Variants in STXBP5L observed in about 807,000 individuals in gnomAD.
STXBP5L encodes syntaxin binding protein 5L.
In STXBP5L, 65 loss-of-function variants were observed where a neutral mutation model predicts 144.5. The observed-to-expected ratio is 0.45, with a 90% CI of 0.37 to 0.55. The LOEUF is 0.55. Ranked by LOEUF, STXBP5L falls within the 20% of genes least tolerant of loss-of-function variation. The pLI is 0.00. For synonymous variants in STXBP5L, 505 were observed against 469.6 expected (o/e 1.08, Z -0.97); for missense variants, 1,298 against 1,405.5 (o/e 0.92, Z 1.22).
chr3:120,995,441 C>A (rs941569745), intron 3 of STXBP5L, among the ~76,000 whole-genome samples: 1 of 152,170 alleles, frequency 6.6e-6, no homozygotes, highest in Non-Finnish European at 1.5e-5. Context: ...AGCCACCACA[C>A]CTGGCTGTTT....
At position 120,934,882 on chromosome 3, in the gene STXBP5L, T is replaced by C. The variant is rs571096212; in HGVS notation, c.190-20058T>C. Among the ~76,000 whole-genome samples, 6 of 152,162 alleles carry C rather than the reference T, an allele frequency of 3.9e-5. No homozygotes were observed. The East Asian group carries it at 7.7e-4, about 20-fold the overall frequency. On this transcript the variant is annotated intron_variant, in intron 2 of 26. Coordinates refer to ENST00000471454, the MANE Select transcript of STXBP5L (RefSeq NM_001308330.2). ...TCCCTTTAGTTTTAATCAGTCTGTG[T>C]CTTTATATTAAAGTGGGTTTCTTGT...
chr3:121,336,521 A>ACC (rs1457913581), intron 20 of STXBP5L, among the ~76,000 whole-genome samples: 3 of 151,828 alleles, frequency 2.0e-5, no homozygotes, highest in Non-Finnish European at 2.9e-5. Context: ...CAACCAACCA[A>ACC]ACAAACAAAC....
Position 121,386,666 on chromosome 3 carries a change from C to A in STXBP5L, c.2587+5134C>A, listed in dbSNP as rs1357084182. Reference sequence around the variant, plus strand: ...GAACATGCAGTGTTTGGTTTTCTGTCCTTGTGTGATAGTTTGCTGAGAATG... The same window carrying A: ...GAACATGCAGTGTTTGGTTTTCTGTACTTGTGTGATAGTTTGCTGAGAATG... On this transcript the variant is annotated intron_variant, in intron 22 of 26. Transcript: ENST00000471454. Among the ~76,000 whole-genome samples, 3 of 152,008 alleles carry A rather than the reference C, an allele frequency of 2.0e-5. No homozygotes were observed. In the East Asian group the frequency reaches 5.8e-4, roughly 29 times the overall value.
chr3:121,280,724 G>T (rs1372371696), intron 19 of STXBP5L, among the ~76,000 whole-genome samples: 4 of 151,750 alleles, frequency 2.6e-5, no homozygotes, highest in Admixed American at 6.6e-5. Flanking sequence ...TAGGCCAAAA[G>T]GTTGCAGATG....
chr3:121,107,694 G>A (rs989557781), intron 5 of STXBP5L, among the ~76,000 whole-genome samples: 1 of 151,788 alleles, frequency 6.6e-6, no homozygotes. Flanking sequence ...TGGTTATATG[G>A]GCTCTTTTTT....
At chr3:121,094,333 C>T (rs1413328740) in intron 5 of STXBP5L, among the ~76,000 whole-genome samples, 2 of 152,158 alleles carry the variant, frequency 1.3e-5, no homozygotes, top group Non-Finnish European at 1.5e-5. Context: ...TCCTTGTCGA[C>T]TTTCTGTCTC....
chr3:121,305,114 CCAAA>C (rs1348081994), intron 19 of STXBP5L, among the ~76,000 whole-genome samples: 1 of 151,994 alleles, frequency 6.6e-6, no homozygotes, highest in Non-Finnish European at 1.5e-5. Context: ...AAATGTAACA[CCAAA>C]CACATTGGAA....
intron 5 of STXBP5L, among the ~76,000 whole-genome samples, chr3:121,080,621 T>C (rs998191331): frequency 6.6e-6 from 1 of 152,232 alleles, no homozygotes; most frequent in Non-Finnish European, 1.5e-5. Flanking sequence ...CTGACAATTA[T>C]TTTGTTTAAG....
At chr3:121,069,482 A>C (rs1048169102) in intron 5 of STXBP5L, among the ~76,000 whole-genome samples, 2 of 151,970 alleles carry the variant, frequency 1.3e-5, no homozygotes, top group Non-Finnish European at 2.9e-5. Flanking sequence ...TGTGAACATA[A>C]GTTTTCGTCT....
chr3:121,111,520 A>G (rs2043986638), intron 5 of STXBP5L, among the ~76,000 whole-genome samples: 1 of 152,100 alleles, frequency 6.6e-6, no homozygotes, highest in East Asian at 1.9e-4. Flanking sequence ...TCCAGACCCT[A>G]TTTGCCTGGG....
At chr3:121,139,389 T>C (rs888312755) in intron 7 of STXBP5L, among the ~76,000 whole-genome samples, 2 of 152,040 alleles carry the variant, frequency 1.3e-5, no homozygotes, top group East Asian at 1.9e-4. Context: ...AGAAAAAGAA[T>C]GACACATGTC....
chr3:121,036,992 T>C (rs1252194939), intron 3 of STXBP5L, among the ~76,000 whole-genome samples: 1 of 151,988 alleles, frequency 6.6e-6, no homozygotes, highest in African/African-American at 2.4e-5. Context: ...AGTGGCATGG[T>C]CATAGCTCAC....
rs1054640170 is a variant in STXBP5L, at chr3:121,258,985, A to G, written c.1833-58A>G. 3 of 1,460,230 alleles carry G rather than the reference A, an allele frequency of 2.1e-6. No individual in the cohort carries two copies. The African/African-American group carries it at 4.3e-5, about 21-fold the overall frequency. 90.5% of individuals were successfully genotyped at this position (1,460,230 alleles called of 1,614,324 possible). ...GCATGATTCTATGTAAATTCTCAAG[A>G]TAAGTTTGACCATGTTTATTTAAGC... is the stretch of plus-strand genomic sequence containing the variant. On this transcript the variant is annotated intron_variant, in intron 17 of 26. Transcript: ENST00000471454.
intron 5 of STXBP5L, among the ~76,000 whole-genome samples, chr3:121,086,165 G>A (rs1312468251): frequency 6.6e-6 from 1 of 152,064 alleles, no homozygotes; most frequent in East Asian, 1.9e-4. Flanking sequence ...ATTAACCCAA[G>A]ATGGATTAAA....
chr3:121,059,105 GGTCTTACGTTTAA>G (rs2107622325), intron 5 of STXBP5L, among the ~76,000 whole-genome samples: 1 of 152,214 alleles, frequency 6.6e-6, no homozygotes, highest in South Asian at 2.1e-4. Flanking sequence ...TATGATTTTA[GGTCTTACGTTTAA>G]GTCTTCAATC....
intron 11 of STXBP5L, among the ~76,000 whole-genome samples, chr3:121,231,572 C>CTACA (rs1203922508): frequency 2.0e-5 from 3 of 151,844 alleles, no homozygotes; most frequent in Non-Finnish European, 4.4e-5. Context: ...TGGAGTCCTG[C>CTACA]TACAATTAAC....
chr3:121,306,182 C>T (rs1023353740), intron 19 of STXBP5L, among the ~76,000 whole-genome samples: 2 of 152,110 alleles, frequency 1.3e-5, no homozygotes, highest in African/African-American at 4.8e-5. Flanking sequence ...TCAAGAAAAT[C>T]TACTGAAACT....
chr3:121,198,286 G>A (rs535852891), intron 9 of STXBP5L, among the ~76,000 whole-genome samples: 60 of 152,172 alleles, frequency 3.9e-4, no homozygotes, highest in African/African-American at 1.2e-3. Context: ...CTGCATAAAT[G>A]TCTTTTGAGA....
chr3:121,002,851 C>T (rs1387900100), intron 3 of STXBP5L, among the ~76,000 whole-genome samples: 1 of 151,898 alleles, frequency 6.6e-6, no homozygotes, highest in Non-Finnish European at 1.5e-5. Context: ...TGATGGTTTC[C>T]AGCTTCATCC....
Sources: gnomAD v4.1 joint callset for allele counts (sites outside exome capture counted in the v4.1 genomes callset) on GRCh38, gnomAD v4.1.1 for gene constraint, MANE v1.5 for transcripts, NCBI Gene and HGNC (gene_info 2026-07-23, HGNC 2026-07-21) for gene names.